Variants in HSPBAP1 observed in about 807,000 individuals in gnomAD.
The protein encoded by HSPBAP1 is HSPB1-associated protein 1.
HSPBAP1 carries 27 observed loss-of-function variants against 45.2 expected under a neutral mutation model. The ratio of observed to expected loss-of-function variants is 0.60; its 90% confidence interval spans 0.44 to 0.82. The LOEUF is 0.82. Ranked by LOEUF, HSPBAP1 falls within the 40% of genes least tolerant of loss-of-function variation. The probability of loss-of-function intolerance (pLI) is 0.00; values close to 1 mark genes in which losing one functional copy is unlikely to be tolerated. For synonymous variants in HSPBAP1, 204 were observed against 202.7 expected, an observed-to-expected ratio of 1.01 and a Z score of -0.06; for missense variants, 510 against 590.9, an observed-to-expected ratio of 0.86 and a Z score of 1.42.
intron 3 of HSPBAP1, 38 bp downstream of exon 3, chr3:122,768,663 A>G (rs779529311): frequency 6.9e-7 from 1 of 1,454,218 alleles, no homozygotes; most frequent in Non-Finnish European, 9.6e-7. Flanking sequence ...TCTCAAAAAC[A>G]AATTCCTACC....
chr3:122,770,532 CTACAAAAAA>C (rs1164159340), intron 2 of HSPBAP1, among the ~76,000 whole-genome samples: 1 of 151,998 alleles, frequency 6.6e-6, no homozygotes, highest in African/African-American at 2.4e-5. Context: ...AACCCTGTCT[CTACAAAAAA>C]TACAAAAAAA....
chr3:122,750,758 T>G (rs915251935), intron 6 of HSPBAP1, among the ~76,000 whole-genome samples: 1 of 152,184 alleles, frequency 6.6e-6, no homozygotes, highest in African/African-American at 2.4e-5. Context: ...TATCTTCCTG[T>G]GCCAGAAAGC....
intron 1 of HSPBAP1, among the ~76,000 whole-genome samples, chr3:122,778,283 T>C (rs185031278): frequency 1.3e-5 from 2 of 151,166 alleles, no homozygotes; most frequent in East Asian, 3.9e-4. Flanking sequence ...ATTTAACTTA[T>C]TAACAATAAA....
chr3:122,747,228 C>T (rs186627427), intron 6 of HSPBAP1, among the ~76,000 whole-genome samples: 12,706 of 151,248 alleles, frequency 0.084, 307 homozygotes, highest in East Asian at 0.12. Flanking sequence ...TCCCGGCTGC[C>T]ATCCCATCTA....
chr3:122,745,173 A>AC (rs1173864800), intron 6 of HSPBAP1, among the ~76,000 whole-genome samples: 6 of 151,042 alleles, frequency 4.0e-5, no homozygotes, highest in Non-Finnish European at 5.9e-5. Context: ...CCAAATCTCC[A>AC]CCCCCACCCC....
intron 4 of HSPBAP1, among the ~76,000 whole-genome samples, chr3:122,758,393 C>T (rs78682094): frequency 6.2e-4 from 95 of 152,280 alleles, no homozygotes; most frequent in African/African-American, 2.2e-3. Context: ...CCTAAGGTAA[C>T]AATACACTGT....
chr3:122,752,323 T>TC (rs1372277182), intron 6 of HSPBAP1, among the ~76,000 whole-genome samples: 1 of 152,042 alleles, frequency 6.6e-6, no homozygotes, highest in African/African-American at 2.4e-5. Context: ...ACAACACTGG[T>TC]CAAGGGAAAG....
chr3:122,751,728 G>C lies in HSPBAP1; in HGVS notation c.825+863C>G, dbSNP rs373665191. Among the ~76,000 whole-genome samples the C allele has an allele frequency of 7.2e-5, 11 of 152,262 alleles. 1 individual carries two copies. Among genetic ancestry groups the C allele is most frequent in the East Asian group, 1.9e-4 (1 of 5,174 alleles). On this transcript the variant is annotated intron_variant, in intron 6 of 7. Transcript: ENST00000306103. Reference sequence around the variant, plus strand: ...TGCAACTCCAGTTCAGCATGCTATAGGCGAAATTTCTGTGACGCTACTGAT... The same window carrying C: ...TGCAACTCCAGTTCAGCATGCTATACGCGAAATTTCTGTGACGCTACTGAT...
chr3:122,765,978 C>G (rs919304037), intron 3 of HSPBAP1, among the ~76,000 whole-genome samples: 14 of 152,308 alleles, frequency 9.2e-5, no homozygotes, highest in African/African-American at 3.4e-4. Context: ...AAATACTCCT[C>G]CCTTTTTCAG....
intron 3 of HSPBAP1, among the ~76,000 whole-genome samples, 184 bp from the exon 4 acceptor site, chr3:122,759,544 T>C (rs1005660679): frequency 6.6e-6 from 1 of 152,214 alleles, no homozygotes; most frequent in South Asian, 2.1e-4. Flanking sequence ...AATAACATAT[T>C]TGAATAACCA....
chr3:122,779,641 A>G (rs1003283106), intron 1 of HSPBAP1, among the ~76,000 whole-genome samples: 11 of 150,782 alleles, frequency 7.3e-5, no homozygotes, highest in Non-Finnish European at 1.0e-4. Context: ...TTTCCTAGGC[A>G]GAGGACCCTG....
chr3:122,753,000 G>T lies in HSPBAP1; in HGVS notation c.742-326C>A, dbSNP rs4048550. 5 of 1,036,732 alleles carry T rather than the reference G, an allele frequency of 4.8e-6. 1 individual carries two copies. The highest frequency in any genetic ancestry group is 3.5e-6 in the Non-Finnish European group (3 of 861,864). 64.2% of individuals were successfully genotyped at this position (1,036,732 alleles called of 1,614,324 possible). A position where few individuals can be genotyped will look rare whatever the true frequency, so the allele number is the denominator to read the frequency against. ...CTCCTTTCCGTCACAAAATAGTTGC[G>T]TGCATTCTGAGAAAGGGCATAGGTA... is the stretch of plus-strand genomic sequence containing the variant. On this transcript the variant is annotated intron_variant, in intron 5 of 7. Transcript: ENST00000306103.
chr3:122,755,264 C>A lies in HSPBAP1; in HGVS notation c.737G>T (p.Gly246Val), dbSNP rs1275950576. ...AQRHAVTLSP[G>V]QVLFVPRHWW... ...AATGTTTTAAAGCCCTATTACCTGT[C>A]CTGGGCTCAGTGTAACCGCATGTCT... The change falls in exon 5 of 8, where the codon GGA becomes GTA. Residue 246 changes from glycine to valine, a missense_variant. Physicochemically the swap from Gly to Val is moderately radical, Grantham distance 109 (BLOSUM62 -3). Transcript: ENST00000306103. 3 of 1,574,944 alleles carry A rather than the reference C, an allele frequency of 1.9e-6. No homozygotes were observed. The highest frequency in any genetic ancestry group is 2.6e-6 in the Non-Finnish European group (3 of 1,165,072).
At chr3:122,769,609 G>A (rs1324104124) in intron 2 of HSPBAP1, among the ~76,000 whole-genome samples, 1 of 152,218 alleles carries the variant, frequency 6.6e-6, no homozygotes, top group Non-Finnish European at 1.5e-5. Context: ...AATCCTTTCA[G>A]GATGTGATGT....
intron 3 of HSPBAP1, among the ~76,000 whole-genome samples, chr3:122,767,301 G>A (rs1046777295): frequency 1.3e-5 from 2 of 152,196 alleles, no homozygotes; most frequent in Admixed American, 6.5e-5. Flanking sequence ...CACTTTGGGC[G>A]GCCGAGGCTG....
At chr3:122,759,157 C>A in intron 4 of HSPBAP1, 67 bp downstream of exon 4, 1 of 1,527,418 alleles carries the variant, frequency 6.5e-7, no homozygotes. Context: ...TCTCTGCCAC[C>A]CCTATTGCAT....
At chr3:122,772,863 T>C (rs1935049911) in intron 2 of HSPBAP1, among the ~76,000 whole-genome samples, 1 of 152,094 alleles carries the variant, frequency 6.6e-6, no homozygotes, top group Non-Finnish European at 1.5e-5. Context: ...TTTTTACTTA[T>C]TTTTTTATTT....
chr3:122,744,375 A>G (rs1576230991), intron 6 of HSPBAP1, among the ~76,000 whole-genome samples: 3 of 152,364 alleles, frequency 2.0e-5, no homozygotes, highest in South Asian at 2.1e-4. Context: ...CTTGAGTTAT[A>G]TAAGTATGGT....
rs185385592 is a variant in HSPBAP1, at chr3:122,752,676, T to C, written c.742-2A>G. The C allele has an allele frequency of 2.5e-6, 4 of 1,599,898 alleles. No homozygotes were observed. The highest frequency in any genetic ancestry group is 1.8e-5 in the Admixed American group (1 of 57,046). On this transcript the variant is annotated splice_acceptor_variant, in intron 5 of 7. Transcript: ENST00000306103. LOFTEE classifies it high-confidence loss of function. ...CCAGTGTCTGGGAACAAAGAGAACC[T>C]GAAAACCAAACAAAGAATGGTTAGC...
Sources: allele counts gnomAD v4.1 joint callset (sites outside exome capture counted in the v4.1 genomes callset), GRCh38; gene constraint gnomAD v4.1.1; transcripts MANE v1.5; gene names NCBI Gene and HGNC (gene_info 2026-07-23, HGNC 2026-07-21).